The following SLC2A2 variants were observed in gnomAD, a reference collection of about 807,000 sequenced individuals.
The protein encoded by SLC2A2 is solute carrier family 2 member 2.
Under a neutral mutation model 54.5 loss-of-function variants are expected in SLC2A2, and 36 were observed. The observed-to-expected ratio is 0.66, with a 90% CI of 0.51 to 0.87. The LOEUF (loss-of-function observed/expected upper bound fraction) is 0.87, where lower values mean the gene tolerates loss of function less well. Ranked by LOEUF, SLC2A2 falls within the 40% of genes least tolerant of loss-of-function variation. The pLI is 0.00. For synonymous variants in SLC2A2, 223 were observed against 219.1 expected, an observed-to-expected ratio of 1.02 and a Z score of -0.16; for missense variants, 543 against 624.3, an observed-to-expected ratio of 0.87 and a Z score of 1.39.
intron 7 of SLC2A2, 100 bp downstream of exon 7, chr3:171,005,185 A>G (rs1715533811): frequency 2.0e-6 from 2 of 982,858 alleles, no homozygotes; most frequent in Admixed American, 1.7e-5. Context: ...CATGATGCCA[A>G]TACCTTAAAA....
intron 1 of SLC2A2, among the ~76,000 whole-genome samples, chr3:171,019,095 GTGTATATATATATATATATATATATATA>G (rs1716309475): frequency 1.3e-5 from 1 of 76,588 alleles, no homozygotes; most frequent in African/African-American, 4.0e-5. Flanking sequence ...ATGTGTGTGT[GTGTATATATATATATATATATATATATA>G]CGTATGTATA....
intron 1 of SLC2A2, among the ~76,000 whole-genome samples, chr3:171,026,270 C>T (rs1272555212): frequency 6.6e-6 from 1 of 151,466 alleles, no homozygotes; most frequent in African/African-American, 2.4e-5. Flanking sequence ...CCCTTTTAAT[C>T]TAGAGAACAA....
At chr3:171,018,655 AC>A in intron 1 of SLC2A2, 32 bp from the exon 2 acceptor site, 1 of 1,465,838 alleles carries the variant, frequency 6.8e-7, no homozygotes, top group Non-Finnish European at 9.6e-7. Context: ...GCAGGGAAAC[AC>A]CAGGCAATTT....
At chr3:171,014,777 T>A in intron 2 of SLC2A2, 46 bp from the exon 3 acceptor site, 11 of 1,548,194 alleles carry the variant, frequency 7.1e-6, no homozygotes, top group Non-Finnish European at 9.8e-6. Context: ...ACATTCTATG[T>A]ATTTTTGTTT....
At chr3:171,026,531 A>T in intron 1 of SLC2A2, 125 bp downstream of exon 1, 1 of 830,140 alleles carries the variant, frequency 1.2e-6, no homozygotes, top group East Asian at 2.4e-5. Flanking sequence ...TGGCAAAGTA[A>T]AGAGAATTAA....
chr3:171,007,359 C>A, intron 4 of SLC2A2, 96 bp from the exon 5 acceptor site: 1 of 751,702 alleles, frequency 1.3e-6, no homozygotes, highest in Admixed American at 2.0e-5. Context: ...GAATGAAAGC[C>A]CCTCCCTGAA....
chr3:170,999,484 C>T (rs567709586), intron 8 of SLC2A2, among the ~76,000 whole-genome samples: 1 of 152,218 alleles, frequency 6.6e-6, no homozygotes, highest in East Asian at 1.9e-4. Context: ...ACAATATTCA[C>T]AGACTGTACA....
intron 2 of SLC2A2, among the ~76,000 whole-genome samples, chr3:171,016,852 CT>C (rs201071901): frequency 0.029 from 3,334 of 114,272 alleles, 67 homozygotes; most frequent in African/African-American, 0.083. Context: ...TTAATTTTTT[CT>C]TTTTTTTTTT....
intron 3 of SLC2A2, among the ~76,000 whole-genome samples, chr3:171,011,222 G>C (rs561502401): frequency 6.6e-6 from 1 of 152,096 alleles, no homozygotes; most frequent in South Asian, 2.1e-4. Flanking sequence ...TAAATGTTAC[G>C]TCACATAGCA....
chr3:171,011,982 T>TA (rs1715903167), intron 3 of SLC2A2, among the ~76,000 whole-genome samples: 1 of 152,144 alleles, frequency 6.6e-6, no homozygotes, highest in African/African-American at 2.4e-5. Context: ...ATAAATACTT[T>TA]AAAAAATACA....
At chr3:171,018,756 G>A (rs1429384850) in intron 1 of SLC2A2, 133 bp from the exon 2 acceptor site, 2 of 698,742 alleles carry the variant, frequency 2.9e-6, no homozygotes, top group African/African-American at 1.8e-5. Context: ...TTTGCAGTAT[G>A]CCCTGTGCTC....
chr3:171,012,574 G>T (rs754372870), intron 3 of SLC2A2, among the ~76,000 whole-genome samples: 5 of 151,992 alleles, frequency 3.3e-5, no homozygotes, highest in Non-Finnish European at 5.9e-5. Flanking sequence ...ACAGACATCT[G>T]TTGACTATTA....
rs190564634 is a variant in SLC2A2, at chr3:171,012,827, G to A, written c.371+1642C>T. 4.2e-3 allele frequency among the ~76,000 whole-genome samples: 639 copies of A among 152,222 alleles called. 3 individuals carry two copies. The highest frequency in any genetic ancestry group is 0.015 in the African/African-American group (604 of 41,552). On this transcript the variant is annotated intron_variant, in intron 3 of 10. Coordinates refer to ENST00000314251, the MANE Select transcript of SLC2A2 (RefSeq NM_000340.2). ...GGGATCATTTTATTACTAAAAGCTA[G>A]GAGAAACCTCACTTTTTGTTTACCA...
At chr3:171,008,656 T>G (rs1016968770) in intron 4 of SLC2A2, among the ~76,000 whole-genome samples, 2 of 151,990 alleles carry the variant, frequency 1.3e-5, no homozygotes, top group African/African-American at 2.4e-5. Flanking sequence ...TCACACTGTA[T>G]TTTTTTAAAT....
chr3:170,999,878 T>C (rs1478128442), intron 8 of SLC2A2, among the ~76,000 whole-genome samples: 3 of 152,166 alleles, frequency 2.0e-5, no homozygotes, highest in Non-Finnish European at 4.4e-5. Flanking sequence ...TTGATTCCTT[T>C]AGTTTTGTGG....
At chr3:171,019,472 CTG>C (rs751180143) in intron 1 of SLC2A2, among the ~76,000 whole-genome samples, 1 of 152,006 alleles carries the variant, frequency 6.6e-6, no homozygotes, top group Non-Finnish European at 1.5e-5. Context: ...TACAATGAAA[CTG>C]TGTAGAAAAG....
At chr3:171,005,602 C>T in intron 6 of SLC2A2, 130 bp from the exon 7 acceptor site, 1 of 744,844 alleles carries the variant, frequency 1.3e-6, no homozygotes, top group Non-Finnish European at 2.2e-6. Flanking sequence ...GTTGGAAATT[C>T]TTTTTTTGTT....
chr3:171,010,740 A>G (rs1715842971), intron 3 of SLC2A2, among the ~76,000 whole-genome samples: 1 of 152,132 alleles, frequency 6.6e-6, no homozygotes, highest in Non-Finnish European at 1.5e-5. Flanking sequence ...TCTGTATTTT[A>G]ATATTGTATG....
chr3:171,005,847 T>A, intron 6 of SLC2A2, 96 bp downstream of exon 6: 1 of 1,266,688 alleles, frequency 7.9e-7, no homozygotes, highest in Non-Finnish European at 1.1e-6. Context: ...ACATTCTTCT[T>A]ACATTTAATC....
Sources: gnomAD v4.1 joint callset for allele counts (sites outside exome capture counted in the v4.1 genomes callset) on GRCh38, gnomAD v4.1.1 for gene constraint, MANE v1.5 for transcripts, NCBI Gene and HGNC (gene_info 2026-07-23, HGNC 2026-07-21) for gene names.